Variants in SUGCT observed in about 807,000 individuals in gnomAD.
The protein encoded by SUGCT is succinyl-CoA:glutarate CoA-transferase.
Under a neutral mutation model 55.0 loss-of-function variants are expected in SUGCT, and 41 were observed. The observed-to-expected ratio is 0.74, with a 90% CI of 0.58 to 0.97. The LOEUF is 0.97. Ranked by LOEUF, SUGCT falls within the 50% of genes least tolerant of loss-of-function variation. SUGCT has a pLI of 0.00. For missense variants in SUGCT, 568 were observed against 547.8 expected (o/e 1.04, Z -0.37); for synonymous variants, 187 against 200.4 (o/e 0.93, Z 0.56).
the SUGCT span, among the ~76,000 whole-genome samples, chr7:41,017,672 G>A: frequency 6.6e-6 from 1 of 151,614 alleles, no homozygotes; most frequent in East Asian, 2.0e-4. Context: ...TCGGGAGGCT[G>A]AGGCAGGAGA....
intron 7 of SUGCT, among the ~76,000 whole-genome samples, chr7:40,269,944 C>T (rs1264966228): frequency 6.6e-6 from 1 of 151,932 alleles, no homozygotes; most frequent in Non-Finnish European, 1.5e-5. Context: ...CAAGACCAGC[C>T]TGGGCAACGT....
At chr7:41,015,637 G>A in the SUGCT span, among the ~76,000 whole-genome samples, 5 of 152,054 alleles carry the variant, frequency 3.3e-5, no homozygotes, top group Admixed American at 6.6e-5. Context: ...AAATGGTAAC[G>A]GGCATCAGGC....
At chr7:40,749,553 G>A in intron 13 of SUGCT, 56 bp downstream of exon 13, 1 of 1,378,962 alleles carries the variant, frequency 7.3e-7, no homozygotes, top group Non-Finnish European at 1.0e-6. Flanking sequence ...TGTCCCATAT[G>A]CTGTTTACTA....
chr7:40,250,744 C>T (rs1039528521), intron 7 of SUGCT, among the ~76,000 whole-genome samples: 1 of 148,896 alleles, frequency 6.7e-6, no homozygotes, highest in African/African-American at 2.5e-5. Flanking sequence ...TTATTCTTTA[C>T]AAAAGTAATC....
At chr7:40,745,092 A>C (rs1024852260) in intron 12 of SUGCT, among the ~76,000 whole-genome samples, 1 of 152,184 alleles carries the variant, frequency 6.6e-6, no homozygotes, top group African/African-American at 2.4e-5. Flanking sequence ...CCTAGCATAT[A>C]AGTGCTATCG....
chr7:40,791,082 CCTTT>C (rs1790285406), intron 13 of SUGCT, among the ~76,000 whole-genome samples: 1 of 152,120 alleles, frequency 6.6e-6, no homozygotes, highest in African/African-American at 2.4e-5. Flanking sequence ...AAACAAAAAT[CCTTT>C]CTTTTACAAA....
At chr7:40,871,839 A>C in the SUGCT span, among the ~76,000 whole-genome samples, 8 of 152,178 alleles carry the variant, frequency 5.3e-5, no homozygotes, top group Non-Finnish European at 1.2e-4. Context: ...GTAGTGGTAG[A>C]GTAGGCGGTA....
intron 12 of SUGCT, among the ~76,000 whole-genome samples, chr7:40,639,279 C>A (rs1034188622): frequency 1.3e-5 from 2 of 152,132 alleles, no homozygotes; most frequent in African/African-American, 2.4e-5. Context: ...GCTACATTCC[C>A]AGTATAGCGC....
At chr7:40,537,487 G>A (rs1204649802) in intron 12 of SUGCT, among the ~76,000 whole-genome samples, 1 of 152,068 alleles carries the variant, frequency 6.6e-6, no homozygotes, top group Non-Finnish European at 1.5e-5. Flanking sequence ...CAATTCTAGT[G>A]TTGATAGTTA....
intron 12 of SUGCT, among the ~76,000 whole-genome samples, chr7:40,643,242 G>A (rs1385098586): frequency 6.6e-6 from 1 of 152,172 alleles, no homozygotes; most frequent in Non-Finnish European, 1.5e-5. Context: ...TCCCTTTCAA[G>A]TGACTTGAAG....
chr7:40,874,841 C>T, the SUGCT span, among the ~76,000 whole-genome samples: 1 of 152,286 alleles, frequency 6.6e-6, no homozygotes, highest in Non-Finnish European at 1.5e-5. Context: ...TATATTTATA[C>T]AAGGTCACAG....
At chr7:40,747,968 C>G (rs1253487249) in intron 12 of SUGCT, among the ~76,000 whole-genome samples, 1 of 152,088 alleles carries the variant, frequency 6.6e-6, no homozygotes, top group Non-Finnish European at 1.5e-5. Flanking sequence ...TTCCAGCCTT[C>G]GTTTGCCAGG....
At chr7:40,481,809 T>C (rs1244777186) in intron 11 of SUGCT, among the ~76,000 whole-genome samples, 1 of 152,192 alleles carries the variant, frequency 6.6e-6, no homozygotes, top group African/African-American at 2.4e-5. Flanking sequence ...TGACACTTAC[T>C]CTTCTCATTG....
rs187443293 is a variant in SUGCT, at chr7:40,711,677, C to T, written c.1090-37757C>T. 1.6e-3 allele frequency among the ~76,000 whole-genome samples: 238 copies of T among 152,274 alleles called. 1 individual carries two copies. The highest frequency in any genetic ancestry group is 5.3e-3 in the African/African-American group (219 of 41,570). Reference sequence around the variant, plus strand: ...CTTTTGAAACTTCAGCGCTGCTGCCCGCAGAGTTCGCTGCTCCCTATGGAA... The same window carrying T: ...CTTTTGAAACTTCAGCGCTGCTGCCTGCAGAGTTCGCTGCTCCCTATGGAA... On this transcript the variant is annotated intron_variant, in intron 12 of 13. Coordinates refer to ENST00000335693, the MANE Select transcript of SUGCT (RefSeq NM_001193313.2).
At position 40,430,400 on chromosome 7, in the gene SUGCT, G is replaced by A. The variant is rs546114839; in HGVS notation, c.817-18887G>A. On this transcript the variant is annotated intron_variant, in intron 9 of 13. Transcript: ENST00000335693. ...CAGTATCTCATAGTGGTTTCAATTT[G>A]CATTTTCCTGATGATTAATGTTTTT... Among the ~76,000 whole-genome samples, 5 of 152,210 alleles carry A rather than the reference G, an allele frequency of 3.3e-5. No individual in the cohort carries two copies. In the South Asian group the frequency reaches 8.3e-4, roughly 25 times the overall value.
At chr7:40,255,534 G>A (rs915262844) in intron 7 of SUGCT, among the ~76,000 whole-genome samples, 1 of 150,420 alleles carries the variant, frequency 6.6e-6, no homozygotes, top group African/African-American at 2.4e-5. Flanking sequence ...GATGGTGGAT[G>A]CCTGTAATCC....
At chr7:40,993,962 G>C in the SUGCT span, among the ~76,000 whole-genome samples, 1 of 152,210 alleles carries the variant, frequency 6.6e-6, no homozygotes, top group African/African-American at 2.4e-5. Flanking sequence ...GTAGGGACAA[G>C]AGTTGTAAGG....
chr7:40,898,377 G>T, the SUGCT span, among the ~76,000 whole-genome samples: 1 of 150,414 alleles, frequency 6.6e-6, no homozygotes, highest in Non-Finnish European at 1.5e-5. Flanking sequence ...GCAAGAGCAC[G>T]AACCCACCAG....
chr7:40,466,373 G>T (rs1160409698), intron 11 of SUGCT, among the ~76,000 whole-genome samples: 1 of 152,144 alleles, frequency 6.6e-6, no homozygotes. Context: ...ACACTCAAAT[G>T]ATGGAGCTTC....
Sources: gnomAD v4.1 joint callset for allele counts (sites outside exome capture counted in the v4.1 genomes callset) on GRCh38, gnomAD v4.1.1 for gene constraint, MANE v1.5 for transcripts, NCBI Gene and HGNC (gene_info 2026-07-23, HGNC 2026-07-21) for gene names.